Variants in SPINK8 observed in about 807,000 individuals in gnomAD.
The protein encoded by SPINK8 is serine peptidase inhibitor Kazal type 8 (putative), also known as serine protease inhibitor Kazal-type 8.
A neutral mutation model predicts 14.4 loss-of-function variants in SPINK8; 12 were observed. The ratio of observed to expected loss-of-function variants is 0.83; its 90% CI spans 0.53 to 1.35. SPINK8 has a LOEUF of 1.35. Among genes scored for constraint, SPINK8 ranks in the 40% most tolerant of loss-of-function variants. The pLI is 0.00. For synonymous variants in SPINK8, 32 were observed against 37.6 expected, an observed-to-expected ratio of 0.85 and a Z score of 0.55; for missense variants, 103 against 117.0, an observed-to-expected ratio of 0.88 and a Z score of 0.55.
At chr3:48,332,142 C>T (rs1450803884) in intron 2 of SPINK8, among the ~76,000 whole-genome samples, 2 of 152,198 alleles carry the variant, frequency 1.3e-5, no homozygotes, top group African/African-American at 2.4e-5. Context: ...ATTAGGCATT[C>T]GATTTGCCCA....
intron 6 of SPINK8, among the ~76,000 whole-genome samples, chr3:48,315,886 A>G (rs1277522188): frequency 3.3e-5 from 5 of 152,170 alleles, no homozygotes; most frequent in Non-Finnish European, 7.3e-5. Context: ...GAAAATTACA[A>G]TGACCTAGAA....
At chr3:48,329,423 C>T (rs1195745576) in intron 2 of SPINK8, among the ~76,000 whole-genome samples, 149 bp from the exon 3 acceptor site, 1 of 152,132 alleles carries the variant, frequency 6.6e-6, no homozygotes, top group Admixed American at 6.5e-5. Flanking sequence ...AGTACTACTC[C>T]CAAATCTAGC....
intron 7 of SPINK8, among the ~76,000 whole-genome samples, chr3:48,309,172 C>T (rs1219879812): frequency 2.6e-5 from 4 of 152,158 alleles, no homozygotes; most frequent in Non-Finnish European, 5.9e-5. Context: ...ATACAATTGT[C>T]CTGTTTTACC....
chr3:48,332,624 G>T (rs575035485), intron 1 of SPINK8, among the ~76,000 whole-genome samples, 153 bp from the exon 2 acceptor site: 1 of 152,294 alleles, frequency 6.6e-6, no homozygotes, highest in African/African-American at 2.4e-5. Flanking sequence ...ACTGCCTGCT[G>T]GCCTGTGGGG....
At chr3:48,326,180 G>GA (rs1487788994) in intron 4 of SPINK8, among the ~76,000 whole-genome samples, 2 of 152,172 alleles carry the variant, frequency 1.3e-5, no homozygotes, top group Non-Finnish European at 2.9e-5. Flanking sequence ...AGGGAGAGAA[G>GA]AAAAACTCAT....
At chr3:48,315,720 C>CAAAAAAAAAAAAA (rs66504818) in intron 6 of SPINK8, among the ~76,000 whole-genome samples, 22 of 21,922 alleles carry the variant, frequency 1.0e-3, no homozygotes, top group Non-Finnish European at 1.7e-3. Context: ...GACTCCATCT[C>CAAAAAAAAAAAAA]AAAAAAAAAA....
At chr3:48,324,409 T>A (rs1299346305) in intron 4 of SPINK8, among the ~76,000 whole-genome samples, 7 of 152,160 alleles carry the variant, frequency 4.6e-5, no homozygotes, top group Non-Finnish European at 1.5e-5. Context: ...CACAAAATTA[T>A]GTCATCTACA....
At chr3:48,319,358 G>C (rs1040076094) in intron 6 of SPINK8, 139 bp downstream of exon 6, 2 of 995,462 alleles carry the variant, frequency 2.0e-6, no homozygotes, top group African/African-American at 3.2e-5. Context: ...ATGGAAGAAA[G>C]GGAGGAACAA....
At chr3:48,315,634 T>C (rs1560015815) in intron 6 of SPINK8, among the ~76,000 whole-genome samples, 1 of 149,234 alleles carries the variant, frequency 6.7e-6, no homozygotes, top group Non-Finnish European at 1.5e-5. Flanking sequence ...GATAGGATAG[T>C]TGCTTGAATC....
intron 6 of SPINK8, among the ~76,000 whole-genome samples, chr3:48,312,931 G>C (rs1404924710): frequency 6.6e-6 from 1 of 150,596 alleles, no homozygotes; most frequent in Non-Finnish European, 1.5e-5. Context: ...CTGGGAGGCA[G>C]AGGTTGCAGT....
At chr3:48,330,794 T>C (rs2036246373) in intron 2 of SPINK8, among the ~76,000 whole-genome samples, 1 of 128,896 alleles carries the variant, frequency 7.8e-6, no homozygotes, top group Non-Finnish European at 1.8e-5. Context: ...TCACCTTCTC[T>C]AGCTAGGCTT....
intron 6 of SPINK8, among the ~76,000 whole-genome samples, chr3:48,311,287 G>A (rs955984975): frequency 2.0e-5 from 3 of 152,012 alleles, no homozygotes; most frequent in Admixed American, 6.5e-5. Context: ...AGCTAATATC[G>A]TACTCAATGG....
At chr3:48,314,836 A>G (rs2035965405) in intron 6 of SPINK8, among the ~76,000 whole-genome samples, 1 of 152,240 alleles carries the variant, frequency 6.6e-6, no homozygotes, top group African/African-American at 2.4e-5. Flanking sequence ...AAGCTCTAAC[A>G]TGTTACTGGA....
intron 6 of SPINK8, among the ~76,000 whole-genome samples, chr3:48,315,619 G>A (rs574267533): frequency 8.9e-4 from 134 of 150,408 alleles, no homozygotes; most frequent in Non-Finnish European, 1.3e-3. Flanking sequence ...TACTTGGGAG[G>A]CTGAGATAGG....
Position 48,309,948 on chromosome 3 carries a change from T to TGAAA in SPINK8, c.240-6_240-3dup. On this transcript the variant is annotated splice_polypyrimidine_tract_variant and splice_region_variant and intron_variant, in intron 6 of 7. Transcript: ENST00000434006. ...TTAGTTATGTTAAGCCCTTCAAATC[T>TGAAA]GAAAGAAATTATATTTTAAAATTAT... The TGAAA allele has an allele frequency of 7.0e-7, 1 of 1,419,404 alleles. No homozygotes were observed. The highest frequency in any genetic ancestry group is 9.2e-7 in the Non-Finnish European group (1 of 1,086,616). The allele number at this position is 1,419,404 out of a possible 1,614,324, so 87.9% of individuals were successfully genotyped here.
rs2035858331 is a variant in SPINK8 at position 48,306,965 on chromosome 3, T to G, written c.*27A>C. 2 of 1,611,576 alleles carry G rather than the reference T, an allele frequency of 1.2e-6. No individual in the cohort carries two copies. The highest frequency in any genetic ancestry group is 2.7e-5 in the African/African-American group (2 of 74,894). On this transcript the variant is annotated 3_prime_UTR_variant, in exon 8 of 8. Transcript: ENST00000434006. Reference sequence around the variant, plus strand: ...TTCACTTGGCAATCTGGAGATTCAGTAGGTTTTATAATTCTTTGTCGTACG... The same window carrying G: ...TTCACTTGGCAATCTGGAGATTCAGGAGGTTTTATAATTCTTTGTCGTACG...
chr3:48,317,360 C>T lies in SPINK8; in HGVS notation c.239+2137G>A, dbSNP rs193029633. Among the ~76,000 whole-genome samples, 668 of 152,020 alleles carry T rather than the reference C, an allele frequency of 4.4e-3. 5 individuals carry two copies. The highest frequency in any genetic ancestry group is 6.6e-3 in the Non-Finnish European group (451 of 67,986). On this transcript the variant is annotated intron_variant, in intron 6 of 7. Coordinates refer to ENST00000434006, the MANE Select transcript of SPINK8 (RefSeq NM_001080525.3). ...AAAATTAGCTAGGTGTGTTGGTGTG[C>T]GCCTGTAATCCCAGCTACTCGGGAA...
At chr3:48,318,688 T>G (rs2036027723) in intron 6 of SPINK8, among the ~76,000 whole-genome samples, 1 of 152,254 alleles carries the variant, frequency 6.6e-6, no homozygotes, top group Non-Finnish European at 1.5e-5. Flanking sequence ...AGTCCGATCC[T>G]GCCCAGCCAA....
intron 4 of SPINK8, among the ~76,000 whole-genome samples, chr3:48,327,548 ATGGCTGATATGCTCAG>A: frequency 6.6e-6 from 1 of 152,202 alleles, no homozygotes; most frequent in South Asian, 2.1e-4. Flanking sequence ...GCTGATGCCA[ATGGCTGATATGCTCAG>A]TAGCAGTGGG....
Sources: allele counts gnomAD v4.1 joint callset (sites outside exome capture counted in the v4.1 genomes callset), GRCh38; gene constraint gnomAD v4.1.1; transcripts MANE v1.5; gene names NCBI Gene and HGNC (gene_info 2026-07-23, HGNC 2026-07-21).